PRTFDC1: variants seen among roughly 807,000 people sequenced by gnomAD.
PRTFDC1 encodes phosphoribosyltransferase domain-containing protein 1.
A neutral mutation model predicts 34.6 loss-of-function variants in PRTFDC1; 38 were observed. That is an observed-to-expected ratio of 1.10 (90% confidence interval 0.85 to 1.44). The LOEUF is 1.44. Ranked by LOEUF, PRTFDC1 falls within the 40% of genes most tolerant of loss-of-function variation. PRTFDC1 has a pLI of 0.00. For synonymous variants in PRTFDC1, 93 were observed against 98.1 expected (o/e 0.95, Z 0.31); for missense variants, 270 against 283.0 (o/e 0.95, Z 0.33).
At chr10:24,901,854 A>G (rs1329721829) in intron 3 of PRTFDC1, among the ~76,000 whole-genome samples, 1 of 152,248 alleles carries the variant, frequency 6.6e-6, no homozygotes, top group Non-Finnish European at 1.5e-5. Flanking sequence ...CTGCATTTGC[A>G]GTGAATTTCT....
chr10:24,894,705 GA>G (rs1444464441), intron 3 of PRTFDC1, among the ~76,000 whole-genome samples: 7 of 152,250 alleles, frequency 4.6e-5, no homozygotes, highest in African/African-American at 1.4e-4. Flanking sequence ...TTTCAGTGCT[GA>G]AAAAAAGTTT....
chr10:24,853,129 G>C (rs1056210607), intron 7 of PRTFDC1, among the ~76,000 whole-genome samples: 8 of 152,128 alleles, frequency 5.3e-5, no homozygotes, highest in African/African-American at 1.9e-4. Flanking sequence ...TCAGGAGAAA[G>C]GAACGCAAAG....
intron 3 of PRTFDC1, among the ~76,000 whole-genome samples, chr10:24,909,012 A>G (rs1169306984): frequency 1.3e-5 from 2 of 152,198 alleles, no homozygotes; most frequent in Non-Finnish European, 2.9e-5. Flanking sequence ...TAATTACCTC[A>G]GGCCAGGTGC....
chr10:24,866,366 A>G (rs1259842726), intron 4 of PRTFDC1, among the ~76,000 whole-genome samples: 2 of 149,382 alleles, frequency 1.3e-5, no homozygotes, highest in African/African-American at 4.9e-5. Context: ...GCCTCAAAAA[A>G]AAAAAAAAAA....
At chr10:24,853,320 A>G (rs79514738) in intron 7 of PRTFDC1, among the ~76,000 whole-genome samples, 1 of 148,968 alleles carries the variant, frequency 6.7e-6, no homozygotes, top group Non-Finnish European at 1.5e-5. Context: ...TCTCAAAAAG[A>G]AAAAAAAAAG....
chr10:24,873,891 A>C (rs1412385891), intron 3 of PRTFDC1, among the ~76,000 whole-genome samples: 1 of 148,736 alleles, frequency 6.7e-6, no homozygotes. Context: ...AAAAAAAAAG[A>C]CCTTATAATT....
chr10:24,855,178 C>G, intron 7 of PRTFDC1, 140 bp downstream of exon 7: 1 of 743,060 alleles, frequency 1.3e-6, no homozygotes. Context: ...ATGAGGAATC[C>G]GTGGGACTAT....
chr10:24,945,645 C>A (rs573153187), intron 1 of PRTFDC1, among the ~76,000 whole-genome samples: 1 of 152,092 alleles, frequency 6.6e-6, no homozygotes, highest in Admixed American at 6.6e-5. Context: ...TTTGTAGAGA[C>A]GAGGTCTGGC....
rs567565667 is a variant in PRTFDC1, at chr10:24,948,319, C to T, written c.48+4209G>A. ...ACAAACAAAAACATGTCTAATAACC[C>T]GATCCCCAAAAGCCAGGTGGATAGA... On this transcript the variant is annotated intron_variant, in intron 1 of 8. Coordinates refer to ENST00000320152, the MANE Select transcript of PRTFDC1 (RefSeq NM_020200.7). Among the ~76,000 whole-genome samples, 447 of 152,134 alleles carry T rather than the reference C, an allele frequency of 2.9e-3. 7 individuals are homozygous for T. The highest frequency in any genetic ancestry group is 0.024 in the Middle Eastern group (7 of 294).
intron 4 of PRTFDC1, among the ~76,000 whole-genome samples, chr10:24,863,901 C>T (rs113211377): frequency 1.3e-5 from 2 of 151,528 alleles, no homozygotes; most frequent in East Asian, 1.9e-4. Flanking sequence ...CGTGGCAAAA[C>T]CCTGTCTCTA....
chr10:24,896,520 C>A (rs1848367308), intron 3 of PRTFDC1, among the ~76,000 whole-genome samples: 1 of 152,140 alleles, frequency 6.6e-6, no homozygotes, highest in Admixed American at 6.5e-5. Context: ...TCATGAGAAT[C>A]CCAGAGTTCA....
At chr10:24,935,159 A>G (rs1288709810) in intron 3 of PRTFDC1, among the ~76,000 whole-genome samples, 1 of 152,172 alleles carries the variant, frequency 6.6e-6, no homozygotes, top group Non-Finnish European at 1.5e-5. Context: ...GTTGAAATTC[A>G]CTGAACTCTA....
intron 6 of PRTFDC1, among the ~76,000 whole-genome samples, chr10:24,855,711 TTG>T (rs1434263882): frequency 1.3e-5 from 2 of 151,804 alleles, no homozygotes; most frequent in Non-Finnish European, 2.9e-5. Context: ...GGGAGGATTG[TTG>T]TAGCCCAGGA....
chr10:24,854,582 C>T (rs866869824), intron 7 of PRTFDC1, among the ~76,000 whole-genome samples: 8 of 152,104 alleles, frequency 5.3e-5, no homozygotes. Flanking sequence ...GAAAAAAAAT[C>T]GCCTCTAGTG....
chr10:24,913,423 A>C (rs1848655703), intron 3 of PRTFDC1, among the ~76,000 whole-genome samples: 1 of 152,190 alleles, frequency 6.6e-6, no homozygotes, highest in Non-Finnish European at 1.5e-5. Flanking sequence ...AAAGTTCTCT[A>C]TTGGGTATTA....
At chr10:24,908,085 C>T in intron 3 of PRTFDC1, among the ~76,000 whole-genome samples, 1 of 151,994 alleles carries the variant, frequency 6.6e-6, no homozygotes, top group Non-Finnish European at 1.5e-5. Flanking sequence ...GGATATGGTC[C>T]AAGACATTTA....
At chr10:24,924,281 C>T (rs1412273441) in intron 3 of PRTFDC1, among the ~76,000 whole-genome samples, 1 of 152,148 alleles carries the variant, frequency 6.6e-6, no homozygotes. Flanking sequence ...GGCCAACATT[C>T]AAATTCAGGA....
At chr10:24,875,700 G>A (rs12267260) in intron 3 of PRTFDC1, among the ~76,000 whole-genome samples, 2,325 of 151,888 alleles carry the variant, frequency 0.015, 55 homozygotes, top group African/African-American at 0.054. Flanking sequence ...TTTTGATCTT[G>A]TCTTTCATTC....
rs187297844 is a variant in PRTFDC1 at position 24,924,905 on chromosome 10, A to G, written c.339+12279T>C. ...AATTAGTTCAACTATTGTGGAAGAC[A>G]GTGTGGTGATTCCTCAAGGATCTAG... On this transcript the variant is annotated intron_variant, in intron 3 of 8. Coordinates refer to ENST00000320152, the MANE Select transcript of PRTFDC1 (RefSeq NM_020200.7). Among the ~76,000 whole-genome samples, 18 of 152,390 alleles carry G rather than the reference A, an allele frequency of 1.2e-4. No individual in the cohort carries two copies. The East Asian group carries it at 3.5e-3, about 29-fold the overall frequency.
Sources: gnomAD v4.1 joint callset for allele counts (sites outside exome capture counted in the v4.1 genomes callset) on GRCh38, gnomAD v4.1.1 for gene constraint, MANE v1.5 for transcripts, NCBI Gene and HGNC (gene_info 2026-07-23, HGNC 2026-07-21) for gene names.